The following FGGY variants were observed in gnomAD, a reference collection of about 807,000 sequenced individuals.
FGGY encodes the protein FGGY carbohydrate kinase domain-containing protein.
A neutral mutation model predicts 71.3 loss-of-function variants in FGGY; 72 were observed. The observed-to-expected ratio is 1.01, with a 90% CI of 0.84 to 1.23. FGGY has a LOEUF of 1.23. Ranked by LOEUF, FGGY falls within the 50% of genes most tolerant of loss-of-function variation. The probability of loss-of-function intolerance (pLI) is 0.00; values close to 1 mark genes in which losing one functional copy is unlikely to be tolerated. For synonymous variants in FGGY, 251 were observed against 250.3 expected (o/e 1.00, Z -0.02); for missense variants, 668 against 682.3 (o/e 0.98, Z 0.23).
chr1:59,329,069 T>C (rs1419418038), intron 2 of FGGY, among the ~76,000 whole-genome samples: 1 of 152,232 alleles, frequency 6.6e-6, no homozygotes, highest in East Asian at 1.9e-4. Flanking sequence ...GACTTGCTCT[T>C]TGCAGAGCTG....
At chr1:59,619,697 G>A (rs1203476493) in intron 9 of FGGY, among the ~76,000 whole-genome samples, 1 of 152,088 alleles carries the variant, frequency 6.6e-6, no homozygotes. Flanking sequence ...CACAGTAATA[G>A]TTTTTACTCT....
At chr1:59,677,875 G>T (rs1247675264) in intron 14 of FGGY, among the ~76,000 whole-genome samples, 3 of 151,966 alleles carry the variant, frequency 2.0e-5, no homozygotes, top group African/African-American at 7.3e-5. Context: ...CTCTTCCCTT[G>T]TCCTTTCCTG....
At chr1:59,395,812 G>A (rs1373706012) in intron 5 of FGGY, among the ~76,000 whole-genome samples, 1 of 152,164 alleles carries the variant, frequency 6.6e-6, no homozygotes, top group African/African-American at 2.4e-5. Context: ...GCAGAGTTGG[G>A]ATTTTAACCT....
intron 1 of FGGY, among the ~76,000 whole-genome samples, chr1:59,299,817 C>T (rs966439009): frequency 1.3e-5 from 2 of 151,566 alleles, no homozygotes; most frequent in Admixed American, 6.6e-5. Context: ...AAGAGAGTGA[C>T]GATGTGAGTG....
intron 14 of FGGY, among the ~76,000 whole-genome samples, chr1:59,690,049 G>A (rs151065561): frequency 1.3e-5 from 2 of 152,208 alleles, no homozygotes; most frequent in Non-Finnish European, 2.9e-5. Flanking sequence ...GACTACAGCA[G>A]TTGTCTTCAT....
rs1267523977 is a variant in FGGY, at chr1:59,331,416, C to T, written c.202-8542C>T. 2.0e-5 allele frequency among the ~76,000 whole-genome samples: 3 copies of T among 152,228 alleles called. No individual in the cohort carries two copies. The East Asian group carries it at 5.8e-4, about 29-fold the overall frequency. On this transcript the variant is annotated intron_variant, in intron 2 of 15. Coordinates refer to ENST00000303721, the MANE Select transcript of FGGY (RefSeq NM_018291.5). Reference sequence around the variant, plus strand: ...GCCTTCCAGGTAATGCACGCCCCAACACAAGCTGTATTTGTCTTCTTGCTG... The same window carrying T: ...GCCTTCCAGGTAATGCACGCCCCAATACAAGCTGTATTTGTCTTCTTGCTG...
At chr1:59,613,483 G>A in intron 9 of FGGY, among the ~76,000 whole-genome samples, 1 of 152,162 alleles carries the variant, frequency 6.6e-6, no homozygotes, top group East Asian at 1.9e-4. Context: ...GAATCTCTGG[G>A]ACACCTTCAA....
intron 4 of FGGY, among the ~76,000 whole-genome samples, chr1:59,375,205 A>C (rs1350156589): frequency 6.8e-6 from 1 of 146,790 alleles, no homozygotes; most frequent in Non-Finnish European, 1.5e-5. Context: ...GGTTGCAGTG[A>C]GCTGAGATCG....
intron 6 of FGGY, among the ~76,000 whole-genome samples, chr1:59,458,144 G>A (rs2153515362): frequency 6.6e-6 from 1 of 152,292 alleles, no homozygotes. Context: ...TTACCTAATG[G>A]TTTAAGTGAT....
At chr1:59,324,556 G>A (rs1263765044) in intron 2 of FGGY, among the ~76,000 whole-genome samples, 5 of 152,070 alleles carry the variant, frequency 3.3e-5, no homozygotes, top group African/African-American at 1.2e-4. Context: ...GATTACAGGC[G>A]TGAGCCACCG....
chr1:59,437,616 C>T (rs1051158667), intron 5 of FGGY, among the ~76,000 whole-genome samples: 6 of 152,182 alleles, frequency 3.9e-5, no homozygotes, highest in Admixed American at 2.6e-4. Flanking sequence ...TATAAATTTA[C>T]AGAATGCAGC....
chr1:59,599,735 A>T (rs1294162407), intron 8 of FGGY, among the ~76,000 whole-genome samples: 1 of 151,838 alleles, frequency 6.6e-6, no homozygotes, highest in Non-Finnish European at 1.5e-5. Flanking sequence ...GCTAGGGGAA[A>T]GCGAGAGGGA....
intron 14 of FGGY, among the ~76,000 whole-genome samples, chr1:59,751,932 C>G (rs1364872415): frequency 6.6e-6 from 1 of 152,198 alleles, no homozygotes; most frequent in African/African-American, 2.4e-5. Context: ...TAACCTGGAA[C>G]ATGCAAACGA....
chr1:59,669,264 C>T (rs2097354214), intron 13 of FGGY, among the ~76,000 whole-genome samples: 1 of 152,044 alleles, frequency 6.6e-6, no homozygotes, highest in African/African-American at 2.4e-5. Context: ...TGTGTCGGGG[C>T]CCACCGTCCC....
At chr1:59,600,300 A>T (rs2096564505) in intron 8 of FGGY, among the ~76,000 whole-genome samples, 1 of 152,200 alleles carries the variant, frequency 6.6e-6, no homozygotes, top group Admixed American at 6.5e-5. Flanking sequence ...TGAGACAGAG[A>T]TACTTCTGAC....
intron 7 of FGGY, among the ~76,000 whole-genome samples, chr1:59,543,364 G>T (rs1481624317): frequency 6.6e-6 from 1 of 151,968 alleles, no homozygotes; most frequent in Non-Finnish European, 1.5e-5. Flanking sequence ...GCAGGCGAGG[G>T]ATAGAATCAA....
rs77317993 is a variant in FGGY at position 59,581,012 on chromosome 1, A to C, written c.903+26785A>C. Among the ~76,000 whole-genome samples, 749 of 152,300 alleles carry C rather than the reference A, an allele frequency of 4.9e-3. 10 individuals carry two copies. The highest frequency in any genetic ancestry group is 0.017 in the African/African-American group (710 of 41,546). On this transcript the variant is annotated intron_variant, in intron 8 of 15. Transcript: ENST00000303721. ...CAGTAAGGAGTTTGATAAACTTTTC[A>C]TGTAATTTATACATAGGGGAAATGA... is the stretch of plus-strand genomic sequence containing the variant.
chr1:59,602,550 C>T (rs2096587962), intron 8 of FGGY, among the ~76,000 whole-genome samples: 1 of 152,116 alleles, frequency 6.6e-6, no homozygotes, highest in African/African-American at 2.4e-5. Flanking sequence ...TATACCCATC[C>T]TTCAAACCAT....
chr1:59,522,643 T>G (rs1250923782), intron 7 of FGGY, among the ~76,000 whole-genome samples: 1 of 152,182 alleles, frequency 6.6e-6, no homozygotes, highest in South Asian at 2.1e-4. Flanking sequence ...ATCTCAAAGA[T>G]TAATCTTAAT....
Sources: allele counts gnomAD v4.1 joint callset (sites outside exome capture counted in the v4.1 genomes callset), GRCh38; gene constraint gnomAD v4.1.1; transcripts MANE v1.5; gene names NCBI Gene and HGNC (gene_info 2026-07-23, HGNC 2026-07-21).